Variants in NKAIN3 observed in about 807,000 individuals in gnomAD.
NKAIN3 encodes the protein sodium/potassium transporting ATPase interacting 3.
In NKAIN3, 25 loss-of-function variants were observed where a neutral mutation model predicts 30.2. The observed-to-expected ratio is 0.83, with a 90% CI of 0.60 to 1.16. NKAIN3 has a LOEUF of 1.16. Among genes scored for constraint, NKAIN3 ranks in the 50% most tolerant of loss-of-function variants. NKAIN3 has a pLI of 0.00. For missense variants in NKAIN3, 225 were observed against 254.1 expected (o/e 0.89, Z 0.78); for synonymous variants, 91 against 89.6 (o/e 1.02, Z -0.09).
intron 3 of NKAIN3, among the ~76,000 whole-genome samples, chr8:62,737,293 A>G (rs954567018): frequency 6.6e-6 from 1 of 152,186 alleles, no homozygotes; most frequent in Admixed American, 6.5e-5. Flanking sequence ...AAGCATTGTC[A>G]TGGTGGAGAA....
rs79200692 is a variant in NKAIN3, at chr8:62,956,719, G to A, written c.603+2747G>A. Among the ~76,000 whole-genome samples, 45 of 152,274 alleles carry A rather than the reference G, an allele frequency of 3.0e-4. No individual in the cohort carries two copies. In the East Asian group the frequency reaches 7.7e-3, roughly 26 times the overall value. On this transcript the variant is annotated intron_variant, in intron 6 of 6. Transcript: ENST00000623646. ...CAGTTTAATTCACTTTACTATCACT[G>A]ATTGATTGCCTACACTGTGCACAAC...
At chr8:62,585,937 C>G (rs1282546817) in intron 2 of NKAIN3, among the ~76,000 whole-genome samples, 1 of 152,144 alleles carries the variant, frequency 6.6e-6, no homozygotes, top group Non-Finnish European at 1.5e-5. Context: ...CCTATAATTA[C>G]TTAAATCTTC....
chr8:62,823,660 C>T (rs1462603724), intron 4 of NKAIN3, among the ~76,000 whole-genome samples: 1 of 152,136 alleles, frequency 6.6e-6, no homozygotes, highest in Non-Finnish European at 1.5e-5. Flanking sequence ...CAGCCACTTT[C>T]TGTTATGCAG....
chr8:62,800,840 G>T (rs566267616), intron 4 of NKAIN3, among the ~76,000 whole-genome samples: 2 of 152,224 alleles, frequency 1.3e-5, no homozygotes, highest in Admixed American at 6.5e-5. Flanking sequence ...AGTGCAAGGG[G>T]TCAGGGAGTT....
chr8:62,345,703 T>C (rs1336680970), intron 1 of NKAIN3, among the ~76,000 whole-genome samples: 3 of 151,228 alleles, frequency 2.0e-5, no homozygotes, highest in Non-Finnish European at 4.4e-5. Flanking sequence ...TATAATCAGG[T>C]CATCTGCAAA....
At chr8:62,853,804 G>T (rs908641624) in intron 4 of NKAIN3, among the ~76,000 whole-genome samples, 4 of 152,036 alleles carry the variant, frequency 2.6e-5, no homozygotes, top group African/African-American at 7.2e-5. Context: ...TTGTTAACTC[G>T]AGATCTTTCT....
chr8:62,264,011 A>T (rs1812531980), intron 1 of NKAIN3, among the ~76,000 whole-genome samples: 1 of 152,224 alleles, frequency 6.6e-6, no homozygotes, highest in African/African-American at 2.4e-5. Context: ...TAATTGCTAA[A>T]TATATGTAGC....
chr8:62,903,008 G>T (rs893518357), intron 4 of NKAIN3, among the ~76,000 whole-genome samples: 2 of 152,182 alleles, frequency 1.3e-5, no homozygotes, highest in African/African-American at 4.8e-5. Flanking sequence ...CATCACAGAA[G>T]TATGTCACTG....
intron 4 of NKAIN3, among the ~76,000 whole-genome samples, chr8:62,885,252 G>A (rs1014488013): frequency 1.3e-4 from 19 of 151,936 alleles, no homozygotes; most frequent in African/African-American, 3.4e-4. Context: ...ATGTTATTTC[G>A]AAGGATGTTG....
intron 1 of NKAIN3, among the ~76,000 whole-genome samples, chr8:62,428,358 C>T (rs1804884004): frequency 6.6e-6 from 1 of 151,840 alleles, no homozygotes; most frequent in African/African-American, 2.4e-5. Context: ...AATACGTACC[C>T]AGAAGTGAGA....
chr8:62,440,876 C>T (rs146262216), intron 1 of NKAIN3, among the ~76,000 whole-genome samples: 9 of 152,216 alleles, frequency 5.9e-5, no homozygotes, highest in African/African-American at 2.2e-4. Context: ...AATGTCTGCT[C>T]AAAGCTGCTG....
chr8:62,936,805 C>T (rs1822801480), intron 5 of NKAIN3, among the ~76,000 whole-genome samples: 2 of 151,972 alleles, frequency 1.3e-5, no homozygotes. Context: ...TTTCTTAACT[C>T]GTTATATATT....
chr8:62,664,830 C>A (rs1408076320), intron 3 of NKAIN3, among the ~76,000 whole-genome samples: 1 of 152,140 alleles, frequency 6.6e-6, no homozygotes, highest in Non-Finnish European at 1.5e-5. Context: ...TCAAGAACTC[C>A]AGCTGAGAAA....
Position 62,973,190 on chromosome 8 carries a change from AG to A in NKAIN3, c.*7787del, listed in dbSNP as rs1823870765. Among the ~76,000 whole-genome samples the A allele has an allele frequency of 6.6e-6, 1 of 152,216 alleles. No homozygotes were observed. Among genetic ancestry groups the A allele is most frequent in the African/African-American group, 2.4e-5 (1 of 41,458 alleles). ...ATAATCCTTTGGGTATACACCCAGT[AG>A]GGGATTGCTGGATCAAATGGTATTT... On this transcript the variant is annotated 3_prime_UTR_variant, in exon 7 of 7. Coordinates refer to ENST00000623646, the MANE Select transcript of NKAIN3 (RefSeq NM_001304533.3).
At chr8:62,309,185 A>T (rs1400389673) in intron 1 of NKAIN3, among the ~76,000 whole-genome samples, 2 of 150,754 alleles carry the variant, frequency 1.3e-5, no homozygotes, top group Admixed American at 6.6e-5. Context: ...AATTTTTAAA[A>T]ATAATATTTG....
rs117423795 is a variant in NKAIN3 at position 62,272,131 on chromosome 8, G to A, written c.54+23004G>A. Among the ~76,000 whole-genome samples, 788 of 152,302 alleles carry A rather than the reference G, an allele frequency of 5.2e-3. 6 individuals carry two copies. The highest frequency in any genetic ancestry group is 8.1e-3 in the Non-Finnish European group (552 of 68,018). On this transcript the variant is annotated intron_variant, in intron 1 of 6. Transcript: ENST00000623646. ...AAATGAATAAATGAGGGAATAAGTG[G>A]ATAGAATTTTGGAATGAAAATGTTG...
At chr8:62,456,162 C>T (rs1172259278) in intron 1 of NKAIN3, among the ~76,000 whole-genome samples, 2 of 152,082 alleles carry the variant, frequency 1.3e-5, no homozygotes, top group Non-Finnish European at 1.5e-5. Flanking sequence ...CAGTTGGCCA[C>T]GAGTAACTAA....
chr8:62,484,006 A>T (rs914832202), intron 1 of NKAIN3, among the ~76,000 whole-genome samples: 1 of 152,200 alleles, frequency 6.6e-6, no homozygotes, highest in African/African-American at 2.4e-5. Flanking sequence ...AGACACGCCA[A>T]GTGAAGGGCT....
chr8:62,700,531 T>C (rs1212285366), intron 3 of NKAIN3, among the ~76,000 whole-genome samples: 1 of 152,216 alleles, frequency 6.6e-6, no homozygotes, highest in African/African-American at 2.4e-5. Context: ...AATCTCTTTT[T>C]CCATTCATCC....
Sources: gnomAD v4.1 joint callset for allele counts (sites outside exome capture counted in the v4.1 genomes callset) on GRCh38, gnomAD v4.1.1 for gene constraint, MANE v1.5 for transcripts, NCBI Gene and HGNC (gene_info 2026-07-23, HGNC 2026-07-21) for gene names.